KRT27: variants seen among roughly 807,000 people sequenced by gnomAD.
The protein encoded by KRT27 is keratin, type I cytoskeletal 27.
In KRT27, 30 loss-of-function variants were observed where a neutral mutation model predicts 45.3. That is an observed-to-expected ratio of 0.66 (90% CI 0.50 to 0.90). KRT27 has a LOEUF of 0.90. Ranked by LOEUF, KRT27 falls within the 40% of genes least tolerant of loss-of-function variation. KRT27 has a pLI of 0.00. For missense variants in KRT27, 610 were observed against 564.3 expected (o/e 1.08, Z -0.82); for synonymous variants, 204 against 223.9 (o/e 0.91, Z 0.79).
intron 2 of KRT27, 111 bp from the exon 3 acceptor site, chr17:40,780,567 CT>C (rs1377933678): frequency 3.8e-6 from 4 of 1,039,274 alleles, no homozygotes; most frequent in Middle Eastern, 2.1e-4. Context: ...TAAGATAATA[CT>C]TAAAACTTCA....
intron 6 of KRT27, 55 bp from the exon 7 acceptor site, chr17:40,777,357 AAAAT>A (rs2038274795): frequency 6.4e-7 from 1 of 1,572,496 alleles, no homozygotes; most frequent in Non-Finnish European, 8.7e-7. Context: ...AGGAAACTGA[AAAAT>A]AATGATTTAA....
In KRT27 at chr17:40,782,499, C is replaced by A. The variant is rs1353243808; in HGVS notation, c.-6G>T. ...GAAGAAAAGCGCACAGACATGGTGTCCGGAGGCTGGAGCCTTTGTTTCTGC... is the reference window on the plus strand; with the variant it reads ...GAAGAAAAGCGCACAGACATGGTGTACGGAGGCTGGAGCCTTTGTTTCTGC... On this transcript the variant is annotated 5_prime_UTR_variant, in exon 1 of 8. Transcript: ENST00000301656. 2.6e-6 allele frequency: 4 copies of A among 1,536,012 alleles called. No homozygotes were observed. The highest frequency in any genetic ancestry group is 3.5e-6 in the Non-Finnish European group (4 of 1,141,068).
chr17:40,782,087 C>A lies in KRT27; in HGVS notation c.407G>T (p.Ser136Ile). The A allele has an allele frequency of 6.2e-7, 1 of 1,613,472 alleles. No homozygotes were observed. The change falls in exon 1 of 8, where the codon AGC (serine) becomes ATC (isoleucine). Residue 136 changes from serine to isoleucine, a missense_variant. Ser to Ile is a moderately radical substitution (Grantham distance 142). Coordinates refer to ENST00000301656, the MANE Select transcript of KRT27 (RefSeq NM_181537.4). ...GSCRGLDHDY[S>I]RYFPIIDELK... Reference sequence around the variant, plus strand: ...TTCGTCAATAATTGGGAAATATCTGCTGTAATCATGATCAAGGCCACGGCA... The same window carrying A: ...TTCGTCAATAATTGGGAAATATCTGATGTAATCATGATCAAGGCCACGGCA...
Position 40,777,716 on chromosome 17 carries a change from C to A in KRT27, c.989G>T (p.Cys330Phe), listed in dbSNP as rs200798525. 4.3e-6 allele frequency: 7 copies of A among 1,614,148 alleles called. No homozygotes were observed. The highest frequency in any genetic ancestry group is 5.9e-6 in the Non-Finnish European group (7 of 1,180,040). ...GTTACTCTCGGTCTCTGTCAAGGAG[C>A]ACTCCAGGGAGTGTTTCTGTAGTTT... The part of the protein sequence containing the change: ...SLLATKHSLE[C>F]SLTETESNYC... The change falls in exon 6 of 8, where the codon TGC becomes TTC. Residue 330 changes from cysteine (C) to phenylalanine (F), a missense_variant. Transcript: ENST00000301656.
At chr17:40,778,369 A>G (rs776080845) in intron 5 of KRT27, among the ~76,000 whole-genome samples, 8 of 152,214 alleles carry the variant, frequency 5.3e-5, no homozygotes, top group Non-Finnish European at 1.0e-4. Context: ...TTTTTTATAT[A>G]AAGTCTTGAT....
chr17:40,778,972 TTG>T (rs1418872392), intron 5 of KRT27, among the ~76,000 whole-genome samples: 2 of 152,210 alleles, frequency 1.3e-5, no homozygotes, highest in African/African-American at 2.4e-5. Context: ...TTTATCTTTT[TTG>T]TGTGTGTTGG....
chr17:40,781,978 T>C, intron 1 of KRT27, 72 bp downstream of exon 1: 1 of 1,318,404 alleles, frequency 7.6e-7, no homozygotes, highest in African/African-American at 1.5e-5. Context: ...TGTGATAGCT[T>C]ATACATTTGT....
At chr17:40,778,024 A>G (rs1259801936) in intron 5 of KRT27, 10 of 397,510 alleles carry the variant, frequency 2.5e-5, no homozygotes, top group South Asian at 5.9e-5. Flanking sequence ...CCCTGCACCA[A>G]TATAGCCTGT....
chr17:40,777,695 C>T lies in KRT27; in HGVS notation c.1010G>A (p.Ser337Asn). 1.2e-6 allele frequency: 2 copies of T among 1,614,164 alleles called. No individual in the cohort carries two copies. Among genetic ancestry groups the T allele is most frequent in the African/African-American group, 1.3e-5 (1 of 75,040 alleles). ...SLECSLTETE[S>N]NYCAQLAQIQ... ...CTGTGCCAGCTGTGCACAGTAGTTA[C>T]TCTCGGTCTCTGTCAAGGAGCACTC... is the stretch of plus-strand genomic sequence containing the variant. Residue 337 changes from serine to asparagine, a missense_variant, in exon 6 of 8, where the codon AGT becomes AAT. Coordinates refer to ENST00000301656, the MANE Select transcript of KRT27 (RefSeq NM_181537.4).
In KRT27 at chr17:40,782,448, C is replaced by CGCAAGAG; in HGVS notation, c.39_45dup (p.Gly16LeufsTer12). ...GAGAGCCTCACAGAGCCAGTGCCCC[C>CGCAAGAG]GCAAGAGCCAAGTCTCCTGGAGGTA... On this transcript the variant is annotated frameshift_variant, in exon 1 of 8. Transcript: ENST00000301656. LOFTEE classifies it high-confidence loss of function. 3 of 1,604,698 alleles carry CGCAAGAG rather than the reference C, an allele frequency of 1.9e-6. No individual in the cohort carries two copies. The highest frequency in any genetic ancestry group is 2.6e-6 in the Non-Finnish European group (3 of 1,175,626).
Position 40,777,700 on chromosome 17 carries a change from G to T in KRT27, c.1005C>A (p.Thr335=). The T allele has an allele frequency of 6.2e-7, 1 of 1,614,034 alleles. No homozygotes were observed. The highest frequency in any genetic ancestry group is 8.5e-7 in the Non-Finnish European group (1 of 1,179,988). Reference sequence around the variant, plus strand: ...CCAGCTGTGCACAGTAGTTACTCTCGGTCTCTGTCAAGGAGCACTCCAGGG... The same window carrying T: ...CCAGCTGTGCACAGTAGTTACTCTCTGTCTCTGTCAAGGAGCACTCCAGGG... The part of the protein sequence containing the change: ...KHSLECSLTE[T]ESNYCAQLAQ... Residue 335 remains threonine (T), a synonymous_variant, in exon 6 of 8, where the codon ACC becomes ACA. Coordinates refer to ENST00000301656, the MANE Select transcript of KRT27 (RefSeq NM_181537.4).
chr17:40,779,976 A>G (rs1029191703), intron 3 of KRT27, 115 bp from the exon 4 acceptor site: 2 of 1,231,360 alleles, frequency 1.6e-6, no homozygotes, highest in African/African-American at 3.0e-5. Context: ...ATTATGACTC[A>G]CTGCAGCCTC....
intron 5 of KRT27, 39 bp from the exon 6 acceptor site, chr17:40,777,771 C>T (rs373880768): frequency 1.2e-4 from 195 of 1,598,476 alleles, no homozygotes; most frequent in Admixed American, 1.5e-4. Flanking sequence ...GAAAAGGTCA[C>T]GGTGTTTTAG....
intron 4 of KRT27, 31 bp downstream of exon 4, chr17:40,779,669 C>T: frequency 1.2e-6 from 2 of 1,613,222 alleles, no homozygotes; most frequent in Non-Finnish European, 1.7e-6. Flanking sequence ...GGGCTGAGTC[C>T]GCGCCCGGGC....
chr17:40,777,672 G>A lies in KRT27; in HGVS notation c.1033C>T (p.Gln345Ter). ...AGGGCCCCGATCTGAGCCTGGATCT[G>A]TGCCAGCTGTGCACAGTAGTTACTC... ...TESNYCAQLA[Q>*]IQAQIGALEE... The change falls in exon 6 of 8, where the codon CAG becomes TAG. Residue 345 changes from glutamine to a stop codon, truncating the protein, a stop_gained. Transcript: ENST00000301656. LOFTEE classifies it high-confidence loss of function. 6.2e-7 allele frequency: 1 copy of A among 1,614,180 alleles called. No individual in the cohort carries two copies. Among genetic ancestry groups the A allele is most frequent in the Non-Finnish European group, 8.5e-7 (1 of 1,180,030 alleles).
At chr17:40,779,924 T>A (rs1022269816) in intron 3 of KRT27, 63 bp from the exon 4 acceptor site, 5 of 1,533,302 alleles carry the variant, frequency 3.3e-6, no homozygotes, top group Non-Finnish European at 4.4e-6. Flanking sequence ...CTTTTTGAGT[T>A]AGGGTCTCGC....
chr17:40,777,644 T>G lies in KRT27; in HGVS notation c.1061A>C (p.Glu354Ala). ...AQIQAQIGAL[E>A]EQLHQVRTET... ...GGTTCTGACCTGGTGCAGCTGCTCC[T>G]CCAGGGCCCCGATCTGAGCCTGGAT... is the stretch of plus-strand genomic sequence containing the variant. The change falls in exon 6 of 8, where the codon GAG becomes GCG. Residue 354 changes from glutamate to alanine, a missense_variant. Glu to Ala is a moderately radical substitution (Grantham distance 107, BLOSUM62 -1). Transcript: ENST00000301656. 1.2e-6 allele frequency: 2 copies of G among 1,614,102 alleles called. No homozygotes were observed. The highest frequency in any genetic ancestry group is 1.7e-6 in the Non-Finnish European group (2 of 1,179,992).
rs1199612473 is a variant in KRT27, at chr17:40,779,494, T to C, written c.972+8A>G. ...TAAAGCAAATCTGTTTTGTAACTTT[T>C]CGCTTACCGTTGCTAAGAGGGACTG... is the stretch of plus-strand genomic sequence containing the variant. On this transcript the variant is annotated splice_region_variant and intron_variant, in intron 5 of 7. Coordinates refer to ENST00000301656, the MANE Select transcript of KRT27 (RefSeq NM_181537.4). 6.3e-7 allele frequency: 1 copy of C among 1,592,946 alleles called. No homozygotes were observed. The highest frequency in any genetic ancestry group is 8.5e-7 in the Non-Finnish European group (1 of 1,169,868).
At position 40,781,219 on chromosome 17, in the gene KRT27, C is replaced by T. The variant is rs139194242; in HGVS notation, c.496G>A (p.Ala166Thr). ...NAHVVLQNDN[A>T]RLTADDFRLK... The stretch of plus-strand genomic sequence containing the variant: ...CTGAAGTCATCAGCTGTTAGTCTTG[C>T]ATTATCATTTTGCAGGACAACATGG... Residue 166 changes from alanine (A) to threonine (T), a missense_variant, in exon 2 of 8, where the codon GCA becomes ACA. Physicochemically the swap from Ala to Thr is moderately conservative, Grantham distance 58. Transcript: ENST00000301656. 3.2e-5 allele frequency: 52 copies of T among 1,611,504 alleles called. No individual in the cohort carries two copies. The highest frequency in any genetic ancestry group is 4.2e-5 in the Non-Finnish European group (49 of 1,178,594).
Sources: allele counts gnomAD v4.1 joint callset (sites outside exome capture counted in the v4.1 genomes callset), GRCh38; gene constraint gnomAD v4.1.1; transcripts MANE v1.5; gene names NCBI Gene and HGNC (gene_info 2026-07-23, HGNC 2026-07-21).